HAP1: variants seen among roughly 807,000 people sequenced by gnomAD.
The protein encoded by HAP1 is huntingtin associated protein 1.
HAP1 carries 59 observed loss-of-function variants against 60.3 expected under a neutral mutation model. The ratio of observed to expected loss-of-function variants is 0.98; its 90% CI spans 0.79 to 1.22. The LOEUF (loss-of-function observed/expected upper bound fraction) is 1.22, where lower values mean the gene tolerates loss of function less well. Among genes scored for constraint, HAP1 ranks in the 50% most tolerant of loss-of-function variants. The pLI, the probability that HAP1 is intolerant of heterozygous loss-of-function variation, is 0.00. For synonymous variants in HAP1, 346 were observed against 330.6 expected (o/e 1.05, Z -0.50); for missense variants, 825 against 785.3 (o/e 1.05, Z -0.60).
chr17:41,725,987 T>TG (rs1310923610), intron 9 of HAP1, 90 bp from the exon 10 acceptor site: 2 of 981,302 alleles, frequency 2.0e-6, no homozygotes, highest in Non-Finnish European at 3.3e-6. Context: ...CCTTAGGTAG[T>TG]GGCCATGAGC....
In HAP1 at chr17:41,732,927, G is replaced by A. The variant is rs1334307502; in HGVS notation, c.470-129C>T. ...ACAAGGGTCATCGGGAGAGAAGACT[G>A]GGCTCCCCTCCTGCCCCCCACATCC... On this transcript the variant is annotated intron_variant, in intron 1 of 10. Transcript: ENST00000347901. 7 of 669,306 alleles carry A rather than the reference G, an allele frequency of 1.0e-5. No individual in the cohort carries two copies. The Admixed American group carries it at 1.0e-4, about 10-fold the overall frequency. 41.5% of individuals were successfully genotyped at this position (669,306 alleles called of 1,614,324 possible). A position where few individuals can be genotyped will look rare whatever the true frequency, so the allele number is the denominator to read the frequency against.
intron 1 of HAP1, 148 bp downstream of exon 1, chr17:41,734,018 A>G: frequency 1.6e-6 from 1 of 633,200 alleles, no homozygotes; most frequent in Non-Finnish European, 2.7e-6. Context: ...AGGGGCGACC[A>G]GACAGACACC....
chr17:41,727,868 C>A (rs1555589386), intron 7 of HAP1, 32 bp from the exon 8 acceptor site: 1 of 1,359,874 alleles, frequency 7.4e-7, no homozygotes, highest in Non-Finnish European at 1.1e-6. Flanking sequence ...GAACCCCCAT[C>A]TGAGGCCTAC....
In HAP1 at chr17:41,724,710, C is replaced by T. The variant is rs200814203; in HGVS notation, c.1851G>A (p.Ser617=). The stretch of plus-strand genomic sequence containing the variant: ...TATCCACCCTCTCTTTTCATCGGCA[C>T]GACGATCTGCAGCTTGTCCGGCTGG... ...PAASRTSCRS[S]CR is the part of the protein sequence containing the mutation. Residue 617 remains serine (S), a synonymous_variant, in exon 11 of 11, where the codon TCG becomes TCA. Coordinates refer to ENST00000347901, the MANE Select transcript of HAP1 (RefSeq NM_177977.3). The T allele has an allele frequency of 2.6e-5, 41 of 1,589,086 alleles. No homozygotes were observed. Among genetic ancestry groups the T allele is most frequent in the Non-Finnish European group, 3.4e-5 (39 of 1,162,702 alleles).
In HAP1 at chr17:41,724,853, G is replaced by C; in HGVS notation, c.1708C>G (p.Leu570Val). The change falls in exon 11 of 11, where the codon CTG becomes GTG. Residue 570 changes from leucine (L) to valine (V), a missense_variant. Leu to Val is a conservative substitution (Grantham distance 32). Coordinates refer to ENST00000347901, the MANE Select transcript of HAP1 (RefSeq NM_177977.3). ...LEASGLGPSH[L>V]DMNYVLQQLA... ...TGCTGGAGGACATAATTCATGTCCA[G>C]GTGTGAAGGGCCCAAGCCGCTGGCC... 1 of 1,613,684 alleles carries C rather than the reference G, an allele frequency of 6.2e-7. No individual in the cohort carries two copies. The highest frequency in any genetic ancestry group is 2.2e-5 in the East Asian group (1 of 44,882).
rs782271381 is a variant in HAP1, at chr17:41,734,587, T to G, written c.48A>C (p.Gly16=). Residue 16 remains glycine, a synonymous_variant, in exon 1 of 11, where the codon GGA becomes GGC. Transcript: ENST00000347901. ...AGGTGAGTGCTGCTGGGTCCCCGGG[T>G]CCGAGCCGGCTCCCCGCGCAGCACC... ...LGRCCAGSRL[G]PGDPAALTCA... is the part of the protein sequence containing the mutation. 1.8e-5 allele frequency: 28 copies of G among 1,580,818 alleles called. No homozygotes were observed. Among genetic ancestry groups the G allele is most frequent in the African/African-American group, 4.0e-5 (3 of 74,254 alleles).
chr17:41,727,403 A>T (rs149404885), intron 8 of HAP1: 25 of 779,790 alleles, frequency 3.2e-5, no homozygotes, highest in Non-Finnish European at 5.3e-5. Context: ...TGCCCCCACA[A>T]TCCATGTACT....
Position 41,722,645 on chromosome 17 carries a change from G to A in HAP1, c.*2056C>T, listed in dbSNP as rs1911276214. ...GAGACAGCTGGAGGCTGGGCCAGGA[G>A]GGTATAGATCCTTTATTTCCTGCAC... On this transcript the variant is annotated 3_prime_UTR_variant, in exon 11 of 11. Coordinates refer to ENST00000347901, the MANE Select transcript of HAP1 (RefSeq NM_177977.3). The A allele has an allele frequency of 6.6e-6, 1 of 152,336 alleles. No homozygotes were observed. Among genetic ancestry groups the A allele is most frequent in the Non-Finnish European group, 1.5e-5 (1 of 68,136 alleles). 9.4% of individuals were successfully genotyped at this position (152,336 alleles called of 1,614,324 possible).
At chr17:41,733,352 CTTTTTTTTT>C (rs1226491607) in intron 1 of HAP1, among the ~76,000 whole-genome samples, 9 of 74,674 alleles carry the variant, frequency 1.2e-4, no homozygotes, top group Middle Eastern at 0.029. Context: ...CCGCGCCCGG[CTTTTTTTTT>C]TTTTTTTTTT....
At chr17:41,726,001 G>A (rs1396528611) in intron 9 of HAP1, 104 bp from the exon 10 acceptor site, 3 of 848,442 alleles carry the variant, frequency 3.5e-6, no homozygotes, top group Non-Finnish European at 4.0e-6. Context: ...CATGAGCAGT[G>A]GCTCACGCCT....
Position 41,724,872 on chromosome 17 carries a change from G to A in HAP1, c.1689C>T (p.Ser563=), listed in dbSNP as rs370925764. 39 of 1,613,500 alleles carry A rather than the reference G, an allele frequency of 2.4e-5. No homozygotes were observed. Among genetic ancestry groups the A allele is most frequent in the Admixed American group, 3.3e-5 (2 of 59,996 alleles). Residue 563 remains serine (S), a synonymous_variant, in exon 11 of 11, where the codon AGC becomes AGT. Coordinates refer to ENST00000347901, the MANE Select transcript of HAP1 (RefSeq NM_177977.3). ...MNVVTSALEA[S]GLGPSHLDMN... ...TGTCCAGGTGTGAAGGGCCCAAGCC[G>A]CTGGCCTCCAGGGCTGATGTCACCA... is the stretch of plus-strand genomic sequence containing the variant.
At chr17:41,718,867 G>A (rs1465632763), downstream of HAP1, among the ~76,000 whole-genome samples, 1 of 152,092 alleles carries the variant, frequency 6.6e-6, no homozygotes, top group Non-Finnish European at 1.5e-5. Context: ...TCAGTCCCAC[G>A]GTTTCAGACT....
intron 6 of HAP1, 87 bp from the exon 7 acceptor site, chr17:41,728,418 AC>A: frequency 7.8e-7 from 1 of 1,283,668 alleles, no homozygotes; most frequent in Non-Finnish European, 1.1e-6. Context: ...TGTCTCCCCC[AC>A]CCTCGGCTGC....
chr17:41,732,235 C>T lies in HAP1; in HGVS notation c.709G>A (p.Glu237Lys), dbSNP rs782589621. Residue 237 changes from glutamate (E) to lysine (K), a missense_variant, in exon 3 of 11, where the codon GAG (glutamate) becomes AAG (lysine). Transcript: ENST00000347901. ...TCTCCTCCCCACCCGGTTACCTCCT[C>T]CTTGGCTGAGCCCAGCAGGGCTTCC... ...KLEALLGSAK[E>K]EILYLRHQVN... 9.3e-6 allele frequency: 15 copies of T among 1,614,016 alleles called. No individual in the cohort carries two copies. In the South Asian group the frequency reaches 1.2e-4, roughly 13 times the overall value.
downstream of HAP1, chr17:41,717,959 C>G (rs1555586277): frequency 2.1e-6 from 1 of 468,500 alleles, no homozygotes; most frequent in South Asian, 1.6e-5. Context: ...CTTGAGCTAC[C>G]CGCCACCTGA....
intron 1 of HAP1, among the ~76,000 whole-genome samples, chr17:41,733,376 T>TTTTTTTC (rs1488293614): frequency 7.4e-6 from 1 of 134,562 alleles, no homozygotes; most frequent in Non-Finnish European, 1.6e-5. Flanking sequence ...TTTTTTTTTT[T>TTTTTTTC]ACCCCTGGAG....
chr17:41,732,045 T>A lies in HAP1; in HGVS notation c.788A>T (p.Asp263Val), dbSNP rs781894586. 6.3e-7 allele frequency: 1 copy of A among 1,595,632 alleles called. No individual in the cohort carries two copies. Among genetic ancestry groups the A allele is most frequent in the Non-Finnish European group, 8.6e-7 (1 of 1,163,314 alleles). The change falls in exon 4 of 11, where the codon GAT (aspartate) becomes GTT (valine). Residue 263 changes from aspartate (D) to valine (V), a missense_variant. Physicochemically the swap from Asp to Val is radical, Grantham distance 152. Coordinates refer to ENST00000347901, the MANE Select transcript of HAP1 (RefSeq NM_177977.3). ...TTCCTCCTCCTCTTCTTCATCCTCA[T>A]CCTCCTCATCAGAATCTGAGTAGAG... ...LQLYSDSDEE[D>V]EDEEEEEEEK...
chr17:41,731,013 C>A (rs1347349873), intron 6 of HAP1, among the ~76,000 whole-genome samples: 1 of 151,872 alleles, frequency 6.6e-6, no homozygotes, highest in Non-Finnish European at 1.5e-5. Flanking sequence ...CAGGTTCAAG[C>A]AATTCTCCCA....
rs1555588370 is a variant in HAP1, at chr17:41,725,017, C to T, written c.1544G>A (p.Gly515Glu). The change falls in exon 11 of 11, where the codon GGG becomes GAG. Residue 515 changes from glycine to glutamate, a missense_variant. Physicochemically the swap from Gly to Glu is moderately conservative, Grantham distance 98. Coordinates refer to ENST00000347901, the MANE Select transcript of HAP1 (RefSeq NM_177977.3). ...AEEFVPQEEL[G>E]AAKKVPAEEG... ...CTCAGCCGGCACCTTCTTGGCAGCC[C>T]CCAGCTCCTCCTGGGGCACGAACTC... is the stretch of plus-strand genomic sequence containing the variant. 1 of 1,612,310 alleles carries T rather than the reference C, an allele frequency of 6.2e-7. No individual in the cohort carries two copies. Among genetic ancestry groups the T allele is most frequent in the Non-Finnish European group, 8.5e-7 (1 of 1,179,256 alleles).
Sources: gnomAD v4.1 joint callset for allele counts (sites outside exome capture counted in the v4.1 genomes callset) on GRCh38, gnomAD v4.1.1 for gene constraint, MANE v1.5 for transcripts, NCBI Gene and HGNC (gene_info 2026-07-23, HGNC 2026-07-21) for gene names.